The following SLC39A11 variants were observed in gnomAD, a reference collection of about 807,000 sequenced individuals.
The protein encoded by SLC39A11 is solute carrier family 39 member 11.
In SLC39A11, 33 loss-of-function variants were observed where a neutral mutation model predicts 36.1. The ratio of observed to expected loss-of-function variants is 0.91; its 90% CI spans 0.69 to 1.22. SLC39A11 has a LOEUF of 1.22. Among genes scored for constraint, SLC39A11 ranks in the 50% most tolerant of loss-of-function variants. The pLI is 0.00. For synonymous variants in SLC39A11, 166 were observed against 170.3 expected, an observed-to-expected ratio of 0.97 and a Z score of 0.20; for missense variants, 432 against 430.3, an observed-to-expected ratio of 1.00 and a Z score of -0.03.
chr17:72,996,511 T>C (rs555433629), intron 4 of SLC39A11, among the ~76,000 whole-genome samples: 9 of 152,284 alleles, frequency 5.9e-5, no homozygotes, highest in African/African-American at 2.2e-4. Flanking sequence ...TTCTTGCATC[T>C]TCCAGCTGTT....
chr17:72,997,337 T>G (rs2089580138), intron 4 of SLC39A11, among the ~76,000 whole-genome samples: 1 of 152,162 alleles, frequency 6.6e-6, no homozygotes, highest in African/African-American at 2.4e-5. Context: ...CACTGCAACC[T>G]CCGCCTCCCA....
At chr17:72,800,226 G>A (rs2077037673) in intron 6 of SLC39A11, among the ~76,000 whole-genome samples, 1 of 151,818 alleles carries the variant, frequency 6.6e-6, no homozygotes, top group Non-Finnish European at 1.5e-5. Context: ...GGAAGCCATA[G>A]GTGGAGAGAG....
intron 4 of SLC39A11, among the ~76,000 whole-genome samples, chr17:72,950,881 G>T (rs1361934100): frequency 6.6e-6 from 1 of 152,070 alleles, no homozygotes; most frequent in African/African-American, 2.4e-5. Context: ...TAACTGGGGG[G>T]CTGAGCATGC....
chr17:72,974,449 A>T (rs1050346900), intron 4 of SLC39A11, among the ~76,000 whole-genome samples: 5 of 151,594 alleles, frequency 3.3e-5, no homozygotes, highest in Non-Finnish European at 7.4e-5. Context: ...AAAAAAAAAA[A>T]TTAAGTAAAA....
At chr17:72,769,099 C>T (rs1374135670) in intron 6 of SLC39A11, among the ~76,000 whole-genome samples, 1 of 152,166 alleles carries the variant, frequency 6.6e-6, no homozygotes, top group Non-Finnish European at 1.5e-5. Flanking sequence ...AAACGACTTC[C>T]CCCAGGCCAC....
At chr17:73,017,779 A>G (rs1216810925) in intron 4 of SLC39A11, among the ~76,000 whole-genome samples, 1 of 152,238 alleles carries the variant, frequency 6.6e-6, no homozygotes, top group Admixed American at 6.5e-5. Flanking sequence ...TGTAATTTGC[A>G]GAGTAGGATA....
At chr17:72,937,024 G>A (rs1015656621) in intron 5 of SLC39A11, among the ~76,000 whole-genome samples, 6 of 152,210 alleles carry the variant, frequency 3.9e-5, no homozygotes, top group Admixed American at 1.3e-4. Context: ...GGACCCTTGC[G>A]GTAGAGGGTC....
intron 5 of SLC39A11, among the ~76,000 whole-genome samples, chr17:72,891,898 C>T (rs1318325911): frequency 6.6e-6 from 1 of 151,976 alleles, no homozygotes; most frequent in Non-Finnish European, 1.5e-5. Context: ...TCCACTAACT[C>T]ATGAGCCTGG....
chr17:72,740,149 A>G (rs966624650), intron 6 of SLC39A11, among the ~76,000 whole-genome samples: 1 of 129,796 alleles, frequency 7.7e-6, no homozygotes, highest in African/African-American at 3.0e-5. Flanking sequence ...TGCAAGCTCC[A>G]CCTCCTGGGT....
At chr17:72,783,564 C>T (rs1030440188) in intron 6 of SLC39A11, among the ~76,000 whole-genome samples, 2 of 152,156 alleles carry the variant, frequency 1.3e-5, no homozygotes, top group African/African-American at 2.4e-5. Context: ...GGGCAGCAAA[C>T]GAAATGACCC....
At chr17:72,941,771 G>A (rs969989556) in intron 5 of SLC39A11, among the ~76,000 whole-genome samples, 6 of 152,168 alleles carry the variant, frequency 3.9e-5, no homozygotes, top group Non-Finnish European at 7.4e-5. Context: ...ATCCAGATGC[G>A]AAAAAGCTTC....
intron 6 of SLC39A11, among the ~76,000 whole-genome samples, chr17:72,808,484 G>C (rs2077331368): frequency 6.6e-6 from 1 of 152,188 alleles, no homozygotes; most frequent in Non-Finnish European, 1.5e-5. Flanking sequence ...GGCTTTGTAA[G>C]ACTAAGTGCA....
intron 3 of SLC39A11, among the ~76,000 whole-genome samples, chr17:73,057,207 G>A (rs1257863830): frequency 6.6e-6 from 1 of 152,104 alleles, no homozygotes; most frequent in African/African-American, 2.4e-5. Context: ...CTCAAGCCAC[G>A]CACCCGCCTT....
intron 4 of SLC39A11, among the ~76,000 whole-genome samples, chr17:73,026,994 C>T (rs548466516): frequency 3.3e-5 from 5 of 152,200 alleles, no homozygotes; most frequent in South Asian, 2.1e-4. Context: ...TGGTAGCACA[C>T]GCCTGTGGTT....
intron 4 of SLC39A11, among the ~76,000 whole-genome samples, chr17:72,971,996 C>T (rs2087493219): frequency 6.6e-6 from 1 of 152,112 alleles, no homozygotes; most frequent in South Asian, 2.1e-4. Flanking sequence ...ATGTAATAAG[C>T]CCTCAATTAA....
At chr17:72,875,902 A>ACAC (rs1262625857) in intron 5 of SLC39A11, among the ~76,000 whole-genome samples, 1 of 152,168 alleles carries the variant, frequency 6.6e-6, no homozygotes, top group Non-Finnish European at 1.5e-5. Context: ...TATCAGCTTA[A>ACAC]CACTGCCATG....
At chr17:72,909,001 A>G (rs1333233499) in intron 5 of SLC39A11, among the ~76,000 whole-genome samples, 2 of 152,240 alleles carry the variant, frequency 1.3e-5, no homozygotes, top group African/African-American at 4.8e-5. Flanking sequence ...CCCAAAGCTA[A>G]ACAGAGGTAT....
chr17:72,897,802 G>T (rs961814563), intron 5 of SLC39A11, among the ~76,000 whole-genome samples: 2 of 152,224 alleles, frequency 1.3e-5, no homozygotes, highest in Non-Finnish European at 2.9e-5. Context: ...ATTCGGTGTG[G>T]AGTTCTAAAA....
chr17:72,782,763 G>A (rs1418475291), intron 6 of SLC39A11, among the ~76,000 whole-genome samples: 1 of 149,946 alleles, frequency 6.7e-6, no homozygotes, highest in African/African-American at 2.5e-5. Flanking sequence ...CACTTTGGGA[G>A]GCCAAGGCGG....
Sources: allele counts gnomAD v4.1 joint callset (sites outside exome capture counted in the v4.1 genomes callset), GRCh38; gene constraint gnomAD v4.1.1; transcripts MANE v1.5; gene names NCBI Gene and HGNC (gene_info 2026-07-23, HGNC 2026-07-21).